Variants in GPHN observed in about 807,000 individuals in gnomAD.
GPHN encodes the protein gephyrin.
In GPHN, 17 loss-of-function variants were observed where a neutral mutation model predicts 95.5. That is an observed-to-expected ratio of 0.18 (90% confidence interval 0.12 to 0.27). The LOEUF (loss-of-function observed/expected upper bound fraction) is 0.27. Ranked by LOEUF, GPHN falls within the 10% of genes least tolerant of loss-of-function variation. The pLI is 1.00. For missense variants in GPHN, 660 were observed against 978.1 expected (o/e 0.67, Z 4.34); for synonymous variants, 320 against 322.5 (o/e 0.99, Z 0.08).
intron 2 of GPHN, among the ~76,000 whole-genome samples, chr14:66,694,167 C>T (rs2067972718): frequency 6.6e-6 from 1 of 152,060 alleles, no homozygotes; most frequent in African/African-American, 2.4e-5. Flanking sequence ...GTCATGAGGG[C>T]AGAGACCTCA....
chr14:67,110,940 T>C (rs1024464539), intron 14 of GPHN, among the ~76,000 whole-genome samples: 1 of 152,128 alleles, frequency 6.6e-6, no homozygotes, highest in Non-Finnish European at 1.5e-5. Context: ...TAGTGGCAGG[T>C]TATTGAAACC....
At chr14:66,676,072 C>T (rs1041415594) in intron 1 of GPHN, among the ~76,000 whole-genome samples, 8 of 150,814 alleles carry the variant, frequency 5.3e-5, no homozygotes, top group African/African-American at 1.9e-4. Flanking sequence ...ATATATATAG[C>T]ATAATGGTGG....
intron 1 of GPHN, among the ~76,000 whole-genome samples, chr14:66,636,554 A>G (rs1431011937): frequency 6.6e-6 from 1 of 152,176 alleles, no homozygotes; most frequent in Non-Finnish European, 1.5e-5. Flanking sequence ...ACTGAAATTT[A>G]ACTTCAGCCA....
At chr14:67,046,067 T>G (rs2075000974) in intron 10 of GPHN, among the ~76,000 whole-genome samples, 1 of 152,036 alleles carries the variant, frequency 6.6e-6, no homozygotes. Flanking sequence ...ACCCAGACAT[T>G]CTATCTCGAT....
the GPHN span, among the ~76,000 whole-genome samples, chr14:67,251,982 A>AT: frequency 6.6e-6 from 1 of 152,090 alleles, no homozygotes; most frequent in Admixed American, 6.5e-5. Context: ...GTTTGGAGAG[A>AT]TTCTGGGTTG....
the GPHN span, among the ~76,000 whole-genome samples, chr14:67,239,718 T>C: frequency 6.6e-6 from 1 of 152,094 alleles, no homozygotes; most frequent in Non-Finnish European, 1.5e-5. Flanking sequence ...TAGCCGGGCG[T>C]GGTGGCTGGC....
At chr14:66,586,887 G>GA (rs1292310852) in intron 1 of GPHN, among the ~76,000 whole-genome samples, 11 of 151,712 alleles carry the variant, frequency 7.3e-5, no homozygotes, top group African/African-American at 2.2e-4. Context: ...TAGTAGCAAA[G>GA]AAAAAAACAA....
chr14:67,323,788 G>A, the GPHN span: 1 of 1,582,386 alleles, frequency 6.3e-7, no homozygotes, highest in Non-Finnish European at 8.6e-7. Context: ...GGGCATTATT[G>A]GCCAAAGAAG....
chr14:66,661,166 G>C (rs921263266), intron 1 of GPHN, among the ~76,000 whole-genome samples: 5 of 152,182 alleles, frequency 3.3e-5, no homozygotes, highest in African/African-American at 7.2e-5. Context: ...GCATTGATCT[G>C]TGGGCCCCAT....
chr14:66,629,176 T>A, intron 1 of GPHN, among the ~76,000 whole-genome samples: 1 of 135,366 alleles, frequency 7.4e-6, no homozygotes. Flanking sequence ...TAAATATATA[T>A]ATACATATAT....
At chr14:67,292,721 T>A in the GPHN span, 2 of 1,611,740 alleles carry the variant, frequency 1.2e-6, no homozygotes, top group Non-Finnish European at 1.7e-6. Flanking sequence ...GCTCAAGAGG[T>A]ATGTATTCTA....
chr14:67,260,367 T>C, the GPHN span, among the ~76,000 whole-genome samples: 1 of 152,180 alleles, frequency 6.6e-6, no homozygotes, highest in African/African-American at 2.4e-5. Context: ...AGTGGTTCTT[T>C]GGTCAAAAAG....
chr14:67,527,046 G>A, the GPHN span, among the ~76,000 whole-genome samples: 1 of 152,226 alleles, frequency 6.6e-6, no homozygotes, highest in Non-Finnish European at 1.5e-5. Flanking sequence ...TTCTATCCAT[G>A]TGTTTCACTT....
At chr14:67,123,564 T>A (rs1481885482) in intron 17 of GPHN, among the ~76,000 whole-genome samples, 2 of 152,136 alleles carry the variant, frequency 1.3e-5, no homozygotes, top group Admixed American at 1.3e-4. Flanking sequence ...TAATCCCAGC[T>A]ACTCGGGAGG....
the GPHN span, chr14:67,533,178 G>T: frequency 1.3e-5 from 2 of 151,880 alleles, no homozygotes. Context: ...CGTTGAATGG[G>T]GCGCAGCAAG....
In GPHN at chr14:66,784,365, C is replaced by A. The variant is rs138868830; in HGVS notation, c.201+7844C>A. Among the ~76,000 whole-genome samples, 217 of 152,082 alleles carry A rather than the reference C, an allele frequency of 1.4e-3. 2 individuals carry two copies. The highest frequency in any genetic ancestry group is 6.8e-3 in the Middle Eastern group (2 of 294). On this transcript the variant is annotated intron_variant, in intron 3 of 22. Coordinates refer to ENST00000478722, the MANE Select transcript of GPHN (RefSeq NM_020806.5). ...ATAAGGACATACTCAAACGCGAAAA[C>A]TAAAAGAATGTGTCACTAGAAAACC...
the GPHN span, chr14:67,224,978 A>G: frequency 1.4e-6 from 1 of 700,852 alleles, no homozygotes; most frequent in Non-Finnish European, 2.3e-6. Flanking sequence ...TTAGAACATA[A>G]TCTGAATTTA....
intron 1 of GPHN, among the ~76,000 whole-genome samples, chr14:66,651,720 T>C (rs1221805496): frequency 6.6e-6 from 1 of 152,112 alleles, no homozygotes; most frequent in Non-Finnish European, 1.5e-5. Flanking sequence ...CTGCTTCCAT[T>C]GCCAACATCC....
intron 1 of GPHN, among the ~76,000 whole-genome samples, chr14:66,557,565 CT>C (rs1451619635): frequency 6.6e-6 from 1 of 152,092 alleles, no homozygotes; most frequent in Non-Finnish European, 1.5e-5. Context: ...AAATAAGTTA[CT>C]TTTTTGCATT....
Sources: allele counts gnomAD v4.1 joint callset (sites outside exome capture counted in the v4.1 genomes callset), GRCh38; gene constraint gnomAD v4.1.1; transcripts MANE v1.5; gene names NCBI Gene and HGNC (gene_info 2026-07-23, HGNC 2026-07-21).